FERRY3: variants seen among roughly 807,000 people sequenced by gnomAD.
The protein encoded by FERRY3 is protein C12orf4.
chr12:4,503,239 G>A, the FERRY3 span, among the ~76,000 whole-genome samples: 19 of 152,196 alleles, frequency 1.2e-4, no homozygotes, highest in African/African-American at 4.6e-4. Context: ...GCTGGCAGTA[G>A]TAATCAAATT....
the FERRY3 span, among the ~76,000 whole-genome samples, chr12:4,536,935 T>C: frequency 6.6e-6 from 1 of 152,234 alleles, no homozygotes; most frequent in African/African-American, 2.4e-5. Flanking sequence ...ATAGTAATCT[T>C]CCTTTTTAAA....
chr12:4,527,149 T>G, the FERRY3 span, among the ~76,000 whole-genome samples: 1 of 152,144 alleles, frequency 6.6e-6, no homozygotes, highest in East Asian at 1.9e-4. Flanking sequence ...ACATTACACA[T>G]GTTCCCTCTA....
chr12:4,518,240 G>A, the FERRY3 span: 1 of 1,613,952 alleles, frequency 6.2e-7, no homozygotes, highest in African/African-American at 1.3e-5. Flanking sequence ...ATTATGCATG[G>A]TCTTCAACTG....
chr12:4,529,205 AAAGAT>A, the FERRY3 span, among the ~76,000 whole-genome samples: 7 of 152,202 alleles, frequency 4.6e-5, no homozygotes, highest in Non-Finnish European at 7.4e-5. Flanking sequence ...ACTCTGAAGA[AAAGAT>A]AAATAATAAA....
chr12:4,518,668 G>C, the FERRY3 span: 7 of 719,892 alleles, frequency 9.7e-6, no homozygotes, highest in Non-Finnish European at 1.1e-5. Context: ...GACCAGCCTG[G>C]GCAACATAGC....
the FERRY3 span, among the ~76,000 whole-genome samples, chr12:4,531,897 A>C: frequency 6.6e-6 from 1 of 152,126 alleles, no homozygotes; most frequent in African/African-American, 2.4e-5. Context: ...TACTTTCCCG[A>C]ACTCTACAAT....
At chr12:4,516,962 T>C in the FERRY3 span, 1 of 1,053,120 alleles carries the variant, frequency 9.5e-7, no homozygotes, top group Non-Finnish European at 1.3e-6. Context: ...TTTAATTTCC[T>C]ATCTTCCACC....
the FERRY3 span, among the ~76,000 whole-genome samples, chr12:4,492,119 T>C: frequency 2.6e-5 from 4 of 152,202 alleles, no homozygotes; most frequent in Admixed American, 1.3e-4. Flanking sequence ...TCTCTTGATA[T>C]TTATTGCATT....
At chr12:4,534,425 G>A in the FERRY3 span, 1 of 1,085,412 alleles carries the variant, frequency 9.2e-7, no homozygotes, top group Admixed American at 2.9e-5. Context: ...ATTTAGAGAT[G>A]GGGTCTCTCT....
chr12:4,500,193 G>A, the FERRY3 span: 1 of 1,614,010 alleles, frequency 6.2e-7, no homozygotes, highest in South Asian at 1.1e-5. Flanking sequence ...GATGTCATGG[G>A]TACAGCAAAC....
At chr12:4,521,610 A>G in the FERRY3 span, among the ~76,000 whole-genome samples, 1 of 152,180 alleles carries the variant, frequency 6.6e-6, no homozygotes, top group African/African-American at 2.4e-5. Flanking sequence ...AAATCAAAAC[A>G]TCGTATCAGA....
the FERRY3 span, among the ~76,000 whole-genome samples, chr12:4,491,945 C>G: frequency 6.6e-6 from 1 of 152,144 alleles, no homozygotes; most frequent in East Asian, 1.9e-4. Context: ...CCTGGTGCAA[C>G]AGTGCACATT....
chr12:4,533,011 G>A, the FERRY3 span, among the ~76,000 whole-genome samples: 3 of 152,070 alleles, frequency 2.0e-5, no homozygotes, highest in South Asian at 2.1e-4. Context: ...CCTATCATTC[G>A]CTGCTCGGTT....
At chr12:4,524,348 A>G in the FERRY3 span, among the ~76,000 whole-genome samples, 1 of 152,168 alleles carries the variant, frequency 6.6e-6, no homozygotes, top group Non-Finnish European at 1.5e-5. Flanking sequence ...CAGTAAGGCA[A>G]ATGAAAAACT....
At chr12:4,507,717 TA>T in the FERRY3 span, among the ~76,000 whole-genome samples, 1 of 152,158 alleles carries the variant, frequency 6.6e-6, no homozygotes, top group African/African-American at 2.4e-5. Context: ...TGCAACAGCA[TA>T]AAAGTATGAG....
At chr12:4,517,746 G>A in the FERRY3 span, among the ~76,000 whole-genome samples, 1 of 147,046 alleles carries the variant, frequency 6.8e-6, no homozygotes, top group Non-Finnish European at 1.5e-5. Context: ...GAGACAAATG[G>A]ATGAGCTAAA....
chr12:4,519,697 C>A, the FERRY3 span, among the ~76,000 whole-genome samples: 1 of 152,200 alleles, frequency 6.6e-6, no homozygotes, highest in Non-Finnish European at 1.5e-5. This position sits in a 1 kb window ranked among gnomAD's most constrained non-coding sequence, Gnocchi z 4.3. Flanking sequence ...GGCCGCACAG[C>A]AGGAAGTGAG....
chr12:4,496,139 C>T, the FERRY3 span, among the ~76,000 whole-genome samples: 2 of 152,126 alleles, frequency 1.3e-5, no homozygotes, highest in African/African-American at 4.8e-5. Context: ...GAGACTCCAC[C>T]GTTAGCTTAA....
At chr12:4,500,197 A>G in the FERRY3 span, 2 of 1,614,010 alleles carry the variant, frequency 1.2e-6, no homozygotes, top group Non-Finnish European at 1.7e-6. Flanking sequence ...TCATGGGTAC[A>G]GCAAACTTTG....
Sources: allele counts gnomAD v4.1 joint callset (sites outside exome capture counted in the v4.1 genomes callset), GRCh38; gene constraint gnomAD v4.1.1; non-coding constraint Gnocchi (gnomAD v3.1); transcripts MANE v1.5; gene names NCBI Gene and HGNC (gene_info 2026-07-23, HGNC 2026-07-21).